Variants in OR5P3 observed in about 807,000 individuals in gnomAD.
The protein encoded by OR5P3 is olfactory receptor 5P3.
For synonymous variants in OR5P3, 172 were observed against 141.8 expected (o/e 1.21, Z -1.51); for missense variants, 415 against 375.6 (o/e 1.10, Z -0.87).
intron 1 of OR5P3, among the ~76,000 whole-genome samples, chr11:7,827,238 C>A (rs1412433420): frequency 1.3e-5 from 2 of 152,118 alleles, no homozygotes; most frequent in Admixed American, 1.3e-4. Context: ...ATATTTGGTT[C>A]ATTACATATT....
chr11:7,826,358 A>C (rs1564832511), intron 1 of OR5P3, among the ~76,000 whole-genome samples: 1 of 152,224 alleles, frequency 6.6e-6, no homozygotes, highest in Non-Finnish European at 1.5e-5. Context: ...AAATGTCAGA[A>C]TAGACCAAGA....
rs1857734646 is a variant in OR5P3 at position 7,825,898 on chromosome 11, A to G, written c.75T>C (p.Ala25=). The G allele has an allele frequency of 1.2e-6, 2 of 1,608,086 alleles. No individual in the cohort carries two copies. The highest frequency in any genetic ancestry group is 4.5e-5 in the East Asian group (2 of 44,882). ...TTCCTAGAAACACAAGAAATAAAAT[A>G]GCACAAACTGTAGTATCCTCAGATA... ...LGLSEDTTVC[A]ILFLVFLGIY... Residue 25 remains alanine (A), a synonymous_variant, in exon 2 of 2, where the codon GCT becomes GCC. Transcript: ENST00000641167.
At position 7,825,516 on chromosome 11, in the gene OR5P3, A is replaced by T. The variant is rs745566969; in HGVS notation, c.457T>A (p.Cys153Ser). The T allele has an allele frequency of 6.2e-7, 1 of 1,613,286 alleles. No individual in the cohort carries two copies. The highest frequency in any genetic ancestry group is 8.5e-7 in the Non-Finnish European group (1 of 1,180,028). Residue 153 changes from cysteine to serine, a missense_variant, in exon 2 of 2, where the codon TGT (cysteine) becomes AGT (serine). Transcript: ENST00000641167. ...ILVGMSYLGG[C>S]VNAWTFIGCL... The stretch of plus-strand genomic sequence containing the variant: ...CCAATGAATGTCCAAGCATTCACAC[A>T]TCCACCCAGGTAGGACATGCCCACT...
chr11:7,825,590 G>T lies in OR5P3; in HGVS notation c.383C>A (p.Ser128Ter), dbSNP rs1252392172. 6.2e-7 allele frequency: 1 copy of T among 1,613,026 alleles called. No homozygotes were observed. The highest frequency in any genetic ancestry group is 1.4e-5 in the African/African-American group (1 of 73,952). ...CATGCAGGTAGAGTAGAGCAGGGGT[G>T]AGCAGATGGCCACATAGCGATCATA... is the stretch of plus-strand genomic sequence containing the variant. ...MAYDRYVAIC[S>*]PLLYSTCMSP... The change falls in exon 2 of 2, where the codon TCA becomes TAA. Residue 128 changes from serine to a stop codon, truncating the protein, a stop_gained. Transcript: ENST00000641167. LOFTEE classifies it low-confidence loss of function (END_TRUNC).
rs998349964 is a variant in OR5P3, at chr11:7,825,446, T to G, written c.527A>C (p.His176Pro). 1 of 1,613,020 alleles carries G rather than the reference T, an allele frequency of 6.2e-7. No homozygotes were observed. Among genetic ancestry groups the G allele is most frequent in the Non-Finnish European group, 8.5e-7 (1 of 1,180,022 alleles). Residue 176 changes from histidine to proline, a missense_variant, in exon 2 of 2, where the codon CAC (histidine) becomes CCC (proline). Physicochemically the swap from His to Pro is moderately conservative, Grantham distance 77 (BLOSUM62 -2). Coordinates refer to ENST00000641167, the MANE Select transcript of OR5P3 (RefSeq NM_153445.2). The stretch of plus-strand genomic sequence containing the variant: ...AAGTGGTGAATAGTCACAGAAAAAG[T>G]GATTGACTTTATTTGGCCCACAGAA... ...LSFCGPNKVN[H>P]FFCDYSPLLK...
intron 1 of OR5P3, 148 bp from the exon 2 acceptor site, chr11:7,826,141 G>A (rs544253009): frequency 3.4e-5 from 19 of 556,170 alleles, no homozygotes; most frequent in African/African-American, 2.9e-4. Flanking sequence ...AGTATCTTAT[G>A]TAAGACTTTA....
intron 1 of OR5P3, among the ~76,000 whole-genome samples, chr11:7,828,759 T>C (rs944765360): frequency 1.3e-5 from 2 of 152,186 alleles, no homozygotes; most frequent in Non-Finnish European, 2.9e-5. Flanking sequence ...AGTGGTGACT[T>C]CACGTAGATC....
At position 7,825,187 on chromosome 11, in the gene OR5P3, G is replaced by T. The variant is rs774984094; in HGVS notation, c.786C>A (p.Pro262=). Residue 262 remains proline, a synonymous_variant, in exon 2 of 2, where the codon CCC becomes CCA. Transcript: ENST00000641167. ...TCTGGTCAGTTGAGTAGCTGGACTTGGGCATCACATAAATGAAGGTAATGG... is the reference window on the plus strand; with the variant it reads ...TCTGGTCAGTTGAGTAGCTGGACTTTGGCATCACATAAATGAAGGTAATGG... ...YGTITFIYVM[P]KSSYSTDQNK... The T allele has an allele frequency of 6.2e-7, 1 of 1,610,006 alleles. No individual in the cohort carries two copies. The highest frequency in any genetic ancestry group is 1.1e-5 in the South Asian group (1 of 91,076).
chr11:7,825,190 CATCACATAAATGAAGGTA>C lies in OR5P3; in HGVS notation c.765_782del (p.Ile255_Val260del). 2 of 1,610,548 alleles carry C rather than the reference CATCACATAAATGAAGGTA, an allele frequency of 1.2e-6. No individual in the cohort carries two copies. Among genetic ancestry groups the C allele is most frequent in the South Asian group, 1.1e-5 (1 of 91,068 alleles). ...GGTCAGTTGAGTAGCTGGACTTGGG[CATCACATAAATGAAGGTA>C]ATGGTCCCATAGAACAGAGTGACTG... is the stretch of plus-strand genomic sequence containing the variant. On this transcript the variant is annotated inframe_deletion, in exon 2 of 2. Coordinates refer to ENST00000641167, the MANE Select transcript of OR5P3 (RefSeq NM_153445.2).
rs1397810088 is a variant in OR5P3, at chr11:7,825,927, C to T, written c.46G>A (p.Gly16Arg). The change falls in exon 2 of 2, where the codon GGG becomes AGG. Residue 16 changes from glycine (G) to arginine (R), a missense_variant. By Grantham distance (125) the Gly-to-Arg change is moderately radical. Transcript: ENST00000641167. ...DTTVVEFTLL[G>R]LSEDTTVCAI... Reference sequence around the variant, plus strand: ...CAAACTGTAGTATCCTCAGATAACCCCAAAAGAGTAAACTCTACCACAGTG... The same window carrying T: ...CAAACTGTAGTATCCTCAGATAACCTCAAAAGAGTAAACTCTACCACAGTG... The T allele has an allele frequency of 6.9e-6, 11 of 1,594,776 alleles. No homozygotes were observed. The South Asian group carries it at 8.9e-5, about 13-fold the overall frequency.
chr11:7,825,124 G>A lies in OR5P3; in HGVS notation c.849C>T (p.Pro283=), dbSNP rs1857716123. ...VVSVFYTVVI[P]MLNPLIYSLR... ...GGCTGTAGATCAGGGGGTTCAACAT[G>A]GGAATCACCACGGTGTAGAACACAG... is the stretch of plus-strand genomic sequence containing the variant. The change falls in exon 2 of 2, where the codon CCC becomes CCT. Residue 283 remains proline, a synonymous_variant. Transcript: ENST00000641167. 6.2e-7 allele frequency: 1 copy of A among 1,605,242 alleles called. No individual in the cohort carries two copies. The highest frequency in any genetic ancestry group is 8.5e-7 in the Non-Finnish European group (1 of 1,179,900).
In OR5P3 at chr11:7,825,107, A is replaced by G. The variant is rs1236093315; in HGVS notation, c.866T>C (p.Ile289Thr). ...AATCTCCTTGTTCCTGAGGCTGTAG[A>G]TCAGGGGGTTCAACATGGGAATCAC... ...TVVIPMLNPL[I>T]YSLRNKEIKG... Residue 289 changes from isoleucine to threonine, a missense_variant, in exon 2 of 2, where the codon ATC becomes ACC. By Grantham distance (89) the Ile-to-Thr change is moderately conservative. Transcript: ENST00000641167. The G allele has an allele frequency of 3.7e-6, 6 of 1,613,640 alleles. No homozygotes were observed. The highest frequency in any genetic ancestry group is 5.1e-6 in the Non-Finnish European group (6 of 1,180,034).
chr11:7,827,997 G>A (rs182973543), intron 1 of OR5P3, among the ~76,000 whole-genome samples: 16 of 152,274 alleles, frequency 1.1e-4, no homozygotes, highest in Non-Finnish European at 1.6e-4. Flanking sequence ...CATAAGGAGA[G>A]AAAGGTAAGA....
intron 1 of OR5P3, among the ~76,000 whole-genome samples, chr11:7,826,830 G>T (rs2133494003): frequency 6.6e-6 from 1 of 152,266 alleles, no homozygotes; most frequent in South Asian, 2.1e-4. Context: ...GAAGATTCCA[G>T]CCTTCTACAG....
In OR5P3 at chr11:7,824,865, T is replaced by C. The variant is rs1857711077; in HGVS notation, c.*172A>G. 2.5e-6 allele frequency: 1 copy of C among 403,072 alleles called. No homozygotes were observed. Among genetic ancestry groups the C allele is most frequent in the African/African-American group, 2.1e-5 (1 of 48,322 alleles). The allele number at this position is 403,072 out of a possible 1,614,324, so 25.0% of individuals were successfully genotyped here. Reference sequence around the variant, plus strand: ...AAATTTTATTAAAGGTAAAGCAAGATGGACTTCTAATTTCCTATTCTATCT... The same window carrying C: ...AAATTTTATTAAAGGTAAAGCAAGACGGACTTCTAATTTCCTATTCTATCT... On this transcript the variant is annotated 3_prime_UTR_variant, in exon 2 of 2. Transcript: ENST00000641167.
In OR5P3 at chr11:7,825,149, G is replaced by A. The variant is rs1442635713; in HGVS notation, c.824C>T (p.Ser275Phe). Residue 275 changes from serine (S) to phenylalanine (F), a missense_variant, in exon 2 of 2, where the codon TCT (serine) becomes TTT (phenylalanine). Coordinates refer to ENST00000641167, the MANE Select transcript of OR5P3 (RefSeq NM_153445.2). ...SYSTDQNKVV[S>F]VFYTVVIPML... The stretch of plus-strand genomic sequence containing the variant: ...GGGAATCACCACGGTGTAGAACACA[G>A]ACACCACCTTGTTCTGGTCAGTTGA... 4 of 1,607,022 alleles carry A rather than the reference G, an allele frequency of 2.5e-6. No individual in the cohort carries two copies. The highest frequency in any genetic ancestry group is 3.4e-6 in the Non-Finnish European group (4 of 1,179,968).
At chr11:7,830,462 T>C (rs897335724) in intron 1 of OR5P3, among the ~76,000 whole-genome samples, 2 of 152,152 alleles carry the variant, frequency 1.3e-5, no homozygotes, top group Non-Finnish European at 2.9e-5. Flanking sequence ...ATGTGTATAA[T>C]AGAAATTCAG....
chr11:7,827,845 A>G (rs1046462380), intron 1 of OR5P3, among the ~76,000 whole-genome samples: 9 of 152,170 alleles, frequency 5.9e-5, no homozygotes, highest in African/African-American at 1.9e-4. Flanking sequence ...AAGAAGCCAA[A>G]ATGTTGAAAG....
rs373075981 is a variant in OR5P3 at position 7,825,218 on chromosome 11, T to A, written c.755A>T (p.Tyr252Phe). Residue 252 changes from tyrosine to phenylalanine, a missense_variant, in exon 2 of 2, where the codon TAT becomes TTT. By Grantham distance (22) the Tyr-to-Phe change is conservative. Coordinates refer to ENST00000641167, the MANE Select transcript of OR5P3 (RefSeq NM_153445.2). ...TSHLTAVTLF[Y>F]GTITFIYVMP... is the part of the protein sequence containing the mutation. ...CACATAAATGAAGGTAATGGTCCCA[T>A]AGAACAGAGTGACTGCAGTGAGGTG... 6.2e-7 allele frequency: 1 copy of A among 1,612,744 alleles called. No homozygotes were observed. Among genetic ancestry groups the A allele is most frequent in the Non-Finnish European group, 8.5e-7 (1 of 1,179,990 alleles).
Sources: allele counts gnomAD v4.1 joint callset (sites outside exome capture counted in the v4.1 genomes callset), GRCh38; gene constraint gnomAD v4.1.1; transcripts MANE v1.5; gene names NCBI Gene and HGNC (gene_info 2026-07-23, HGNC 2026-07-21).